The following IQCM variants were observed in gnomAD, a reference collection of about 807,000 sequenced individuals.
The protein encoded by IQCM is IQ motif containing M, also known as IQ domain-containing protein M.
In IQCM, 45 loss-of-function variants were observed where a neutral mutation model predicts 57.6. That is an observed-to-expected ratio of 0.78 (90% confidence interval 0.62 to 1.00). The LOEUF (loss-of-function observed/expected upper bound fraction) is 1.00, where lower values mean the gene tolerates loss of function less well. IQCM is among the 50% of genes least tolerant of loss of function. The pLI is 0.00. For missense variants in IQCM, 468 were observed against 511.6 expected (o/e 0.91, Z 0.82); for synonymous variants, 148 against 158.9 (o/e 0.93, Z 0.51).
intron 9 of IQCM, among the ~76,000 whole-genome samples, chr4:149,578,531 C>T (rs921938707): frequency 2.6e-5 from 4 of 151,656 alleles, no homozygotes; most frequent in Non-Finnish European, 4.4e-5. Context: ...GTTATTTATT[C>T]CTCTTGGGGA....
chr4:149,354,363 C>CAAAAAA lies in IQCM; in HGVS notation c.1391-2303_1391-2298dup, dbSNP rs70965178. ...TGGGCGACAGAGCGAGACTCCGTCT[C>CAAAAAA]AAAAAAAAAAAAAAAAAAAAAAAAA... On this transcript the variant is annotated intron_variant, in intron 13 of 13. Transcript: ENST00000636793. Among the ~76,000 whole-genome samples the CAAAAAA allele has an allele frequency of 4.6e-3, 93 of 20,244 alleles. 16 individuals carry two copies. Among genetic ancestry groups the CAAAAAA allele is most frequent in the South Asian group, 6.3e-3 (1 of 160 alleles). The allele number at this position is 20,244 out of a possible 152,430, so 13.3% of individuals were successfully genotyped here. A position where few individuals can be genotyped will look rare whatever the true frequency, so the allele number is the denominator to read the frequency against.
chr4:149,390,863 T>C (rs1731801052), intron 13 of IQCM, among the ~76,000 whole-genome samples: 1 of 151,874 alleles, frequency 6.6e-6, no homozygotes, highest in Admixed American at 6.6e-5. Flanking sequence ...AAGGAATATT[T>C]GTCTGTAGTT....
intron 13 of IQCM, among the ~76,000 whole-genome samples, chr4:149,353,841 C>G (rs999404377): frequency 6.6e-6 from 1 of 152,072 alleles, no homozygotes; most frequent in Non-Finnish European, 1.5e-5. Flanking sequence ...TTAAGATGAA[C>G]AGGTCTAGAG....
At chr4:149,784,165 C>T (rs1771869645) in intron 2 of IQCM, among the ~76,000 whole-genome samples, 1 of 152,332 alleles carries the variant, frequency 6.6e-6, no homozygotes, top group South Asian at 2.1e-4. Context: ...TTCCGTCTTA[C>T]TCAGAGTAAA....
intron 10 of IQCM, among the ~76,000 whole-genome samples, chr4:149,555,705 T>C (rs1749513823): frequency 6.6e-6 from 1 of 152,338 alleles, no homozygotes; most frequent in African/African-American, 2.4e-5. Context: ...CTTTTGCTTA[T>C]AATTAAGAAT....
chr4:149,384,551 G>A (rs987837574), intron 13 of IQCM, among the ~76,000 whole-genome samples: 2 of 151,892 alleles, frequency 1.3e-5, no homozygotes, highest in African/African-American at 2.4e-5. Context: ...ACAATTTACC[G>A]TTTTTAGAAG....
intron 8 of IQCM, among the ~76,000 whole-genome samples, chr4:149,607,427 T>C (rs1028249962): frequency 6.6e-6 from 1 of 152,082 alleles, no homozygotes; most frequent in Non-Finnish European, 1.5e-5. Context: ...AAGAGGTTAG[T>C]GAGCAACAAG....
intron 12 of IQCM, among the ~76,000 whole-genome samples, chr4:149,444,400 G>C (rs1189337665): frequency 6.6e-6 from 1 of 151,972 alleles, no homozygotes; most frequent in South Asian, 2.1e-4. Context: ...TAACATTGGA[G>C]ATATAGTAAA....
chr4:149,673,301 T>C, intron 7 of IQCM, among the ~76,000 whole-genome samples: 1 of 152,102 alleles, frequency 6.6e-6, no homozygotes, highest in Non-Finnish European at 1.5e-5. Context: ...ATGGGCTAAA[T>C]GCTCCAATTA....
At chr4:149,726,898 G>T (rs1051406834) in intron 5 of IQCM, among the ~76,000 whole-genome samples, 6 of 151,862 alleles carry the variant, frequency 4.0e-5, no homozygotes, top group South Asian at 2.1e-4. Flanking sequence ...GGGATTACAG[G>T]TGCCTGCCAT....
At chr4:149,755,904 G>A (rs1405986085) in intron 2 of IQCM, among the ~76,000 whole-genome samples, 1 of 152,060 alleles carries the variant, frequency 6.6e-6, no homozygotes, top group Non-Finnish European at 1.5e-5. Flanking sequence ...TCCCCTCCCT[G>A]CCTGCTAGAA....
chr4:149,397,618 A>C (rs776352458), intron 13 of IQCM, among the ~76,000 whole-genome samples: 18 of 152,042 alleles, frequency 1.2e-4, no homozygotes, highest in South Asian at 4.1e-4. Flanking sequence ...ACTGTGAGTC[A>C]ATTAAACCTC....
intron 9 of IQCM, among the ~76,000 whole-genome samples, chr4:149,583,276 C>T (rs547397944): frequency 1.3e-5 from 2 of 151,568 alleles, no homozygotes; most frequent in African/African-American, 2.4e-5. Flanking sequence ...CAAAACAGTA[C>T]ACTTACTTCA....
At chr4:149,634,091 A>G (rs1757522083) in intron 7 of IQCM, among the ~76,000 whole-genome samples, 1 of 151,862 alleles carries the variant, frequency 6.6e-6, no homozygotes, top group African/African-American at 2.4e-5. Context: ...CTCACTGCAA[A>G]CTCTGCCTCC....
At chr4:149,531,157 T>TAC (rs1746707908) in intron 12 of IQCM, among the ~76,000 whole-genome samples, 9 of 152,276 alleles carry the variant, frequency 5.9e-5, no homozygotes, top group African/African-American at 2.2e-4. Flanking sequence ...AAATTTACTA[T>TAC]ATTGATTGTA....
At chr4:149,538,961 T>C (rs1451328849) in intron 12 of IQCM, among the ~76,000 whole-genome samples, 1 of 152,020 alleles carries the variant, frequency 6.6e-6, no homozygotes, top group Non-Finnish European at 1.5e-5. Flanking sequence ...ACGTTAATAA[T>C]TTAATAATAA....
intron 10 of IQCM, among the ~76,000 whole-genome samples, chr4:149,558,973 C>T (rs959988138): frequency 2.0e-5 from 3 of 152,146 alleles, no homozygotes; most frequent in African/African-American, 7.2e-5. Flanking sequence ...TTGGACTCTA[C>T]CTTCGTTCCT....
intron 12 of IQCM, among the ~76,000 whole-genome samples, chr4:149,537,878 A>C (rs1482022163): frequency 1.3e-5 from 2 of 151,890 alleles, no homozygotes; most frequent in Non-Finnish European, 2.9e-5. Context: ...AAAATATTCA[A>C]GAATAAAGGT....
In IQCM at chr4:149,789,772, C is replaced by A. The variant is rs773321354; in HGVS notation, c.-49+25539G>T. ...AAAAAAATTGCTGAGCATGGTGTTA[C>A]ACGCCTGTGGTCCCAGATACTCAGG... On this transcript the variant is annotated intron_variant, in intron 2 of 13. Coordinates refer to ENST00000636793, the MANE Select transcript of IQCM (RefSeq NM_001363507.2). 2.0e-5 allele frequency among the ~76,000 whole-genome samples: 3 copies of A among 152,048 alleles called. No homozygotes were observed. In the East Asian group the frequency reaches 5.8e-4, roughly 29 times the overall value.
Sources: gnomAD v4.1 joint callset for allele counts (sites outside exome capture counted in the v4.1 genomes callset) on GRCh38, gnomAD v4.1.1 for gene constraint, MANE v1.5 for transcripts, NCBI Gene and HGNC (gene_info 2026-07-23, HGNC 2026-07-21) for gene names.